The following GPATCH1 variants were observed in gnomAD, a reference collection of about 807,000 sequenced individuals.
The protein encoded by GPATCH1 is G-patch domain containing 1.
A neutral mutation model predicts 114.9 loss-of-function variants in GPATCH1; 73 were observed. The ratio of observed to expected loss-of-function variants is 0.64; its 90% CI spans 0.53 to 0.77. The LOEUF (loss-of-function observed/expected upper bound fraction) is 0.77, where lower values mean the gene tolerates loss of function less well. Ranked by LOEUF, GPATCH1 falls within the 30% of genes least tolerant of loss-of-function variation. GPATCH1 has a pLI of 0.00. For missense variants in GPATCH1, 1,058 were observed against 1,144.3 expected, an observed-to-expected ratio of 0.92 and a Z score of 1.09; for synonymous variants, 391 against 428.4, an observed-to-expected ratio of 0.91 and a Z score of 1.08.
intron 2 of GPATCH1, 49 bp downstream of exon 2, chr19:33,088,317 A>T (rs771360941): frequency 3.0e-6 from 4 of 1,341,490 alleles, no homozygotes; most frequent in African/African-American, 3.0e-5. Flanking sequence ...CAAATGATCA[A>T]AATATTGATT....
intron 17 of GPATCH1, among the ~76,000 whole-genome samples, chr19:33,124,335 T>C (rs551118859): frequency 6.6e-6 from 1 of 152,126 alleles, no homozygotes; most frequent in African/African-American, 2.4e-5. Context: ...TTATATACAT[T>C]ATTATTATTT....
chr19:33,099,346 A>G (rs1016806896), intron 8 of GPATCH1, among the ~76,000 whole-genome samples: 1 of 151,596 alleles, frequency 6.6e-6, no homozygotes, highest in African/African-American at 2.4e-5. Flanking sequence ...GTAATGACAT[A>G]TATTTAAGTC....
intron 1 of GPATCH1, 102 bp from the exon 2 acceptor site, chr19:33,088,032 G>A: frequency 1.6e-6 from 1 of 623,740 alleles, no homozygotes; most frequent in Non-Finnish European, 2.6e-6. Flanking sequence ...ATTATAAGAA[G>A]TAAACAATTT....
intron 5 of GPATCH1, 44 bp downstream of exon 5, chr19:33,094,313 CTTTT>C (rs58636263): frequency 3.6e-4 from 290 of 798,044 alleles, no homozygotes; most frequent in South Asian, 4.5e-4. Context: ...CTGCAGCGTA[CTTTT>C]TTTTTTTTTT....
chr19:33,088,623 T>C (rs1311472751), intron 2 of GPATCH1, among the ~76,000 whole-genome samples: 1 of 151,192 alleles, frequency 6.6e-6, no homozygotes, highest in East Asian at 1.9e-4. Context: ...AGTGCTGGGA[T>C]TGCAGGTGTG....
intron 14 of GPATCH1, 25 bp downstream of exon 14, chr19:33,113,928 CTGAT>C (rs1210773557): frequency 3.1e-6 from 5 of 1,610,114 alleles, no homozygotes; most frequent in Admixed American, 1.7e-5. Flanking sequence ...CCCGGGGTCT[CTGAT>C]TGACCAGGGC....
intron 7 of GPATCH1, among the ~76,000 whole-genome samples, chr19:33,096,801 G>C (rs1972665407): frequency 6.6e-6 from 1 of 151,786 alleles, no homozygotes; most frequent in African/African-American, 2.4e-5. Context: ...ACTAATTTTT[G>C]TATTTTTAGT....
intron 1 of GPATCH1, 72 bp downstream of exon 1, chr19:33,081,338 C>A: frequency 1.6e-6 from 2 of 1,233,740 alleles, no homozygotes; most frequent in Non-Finnish European, 2.3e-6. Context: ...CACAAAAGCA[C>A]AAGTCGGTGC....
At chr19:33,093,138 A>G (rs764951135) in intron 3 of GPATCH1, among the ~76,000 whole-genome samples, 3 of 152,208 alleles carry the variant, frequency 2.0e-5, no homozygotes, top group Admixed American at 6.6e-5. Flanking sequence ...CAGTGAGCCC[A>G]GATTGCACCA....
intron 17 of GPATCH1, among the ~76,000 whole-genome samples, chr19:33,124,715 C>T (rs535240901): frequency 2.6e-5 from 4 of 152,258 alleles, no homozygotes; most frequent in South Asian, 2.1e-4. Flanking sequence ...GGTTAGGCGA[C>T]GTGTCGAAGA....
chr19:33,118,155 G>A, intron 16 of GPATCH1, 114 bp downstream of exon 16: 2 of 597,688 alleles, frequency 3.3e-6, no homozygotes, highest in South Asian at 2.2e-5. Context: ...TCAATGATAT[G>A]TAATCTTTTA....
At chr19:33,122,326 CTTTT>C (rs35388450) in intron 17 of GPATCH1, among the ~76,000 whole-genome samples, 3 of 116,134 alleles carry the variant, frequency 2.6e-5, no homozygotes, top group Admixed American at 8.8e-5. Flanking sequence ...CCTTTAGTTT[CTTTT>C]TTTTTTTTTT....
chr19:33,096,485 A>C, intron 7 of GPATCH1, 39 bp downstream of exon 7: 2 of 1,515,484 alleles, frequency 1.3e-6, no homozygotes, highest in Non-Finnish European at 1.8e-6. Context: ...GGAGTCATTG[A>C]TAAATGAGTC....
chr19:33,096,565 A>T, intron 7 of GPATCH1, 119 bp downstream of exon 7: 1 of 776,570 alleles, frequency 1.3e-6, no homozygotes, highest in Non-Finnish European at 2.0e-6. Context: ...CTCAAGTGGA[A>T]TCAGGTCAAA....
At chr19:33,093,174 G>C (rs533130835) in intron 3 of GPATCH1, among the ~76,000 whole-genome samples, 185 bp from the exon 4 acceptor site, 24 of 152,228 alleles carry the variant, frequency 1.6e-4, no homozygotes, top group African/African-American at 5.5e-4. Context: ...GGCAACAAGA[G>C]AGAAACTCTG....
At position 33,109,730 on chromosome 19, in the gene GPATCH1, A is replaced by G; in HGVS notation, c.1299A>G (p.Ser433=). ...GETPIQGSAT[S]VLEFLSQKDK... is the part of the protein sequence containing the mutation. Reference sequence around the variant, plus strand: ...GTTTTTATTTAGGTTCAGCTACTTCAGTGTTAGAATTTCTGTCCCAAAAAG... The same window carrying G: ...GTTTTTATTTAGGTTCAGCTACTTCGGTGTTAGAATTTCTGTCCCAAAAAG... The change falls in exon 11 of 20, where the codon TCA becomes TCG. Residue 433 remains serine, a synonymous_variant. Coordinates refer to ENST00000170564, the MANE Select transcript of GPATCH1 (RefSeq NM_018025.3). The G allele has an allele frequency of 6.4e-7, 1 of 1,568,292 alleles. No homozygotes were observed. The highest frequency in any genetic ancestry group is 8.7e-7 in the Non-Finnish European group (1 of 1,155,826).
At position 33,119,113 on chromosome 19, in the gene GPATCH1, C is replaced by G. The variant is rs967016195; in HGVS notation, c.2517C>G (p.Cys839Trp). 1 of 1,583,300 alleles carries G rather than the reference C, an allele frequency of 6.3e-7. No individual in the cohort carries two copies. The change falls in exon 17 of 20, where the codon TGC (cysteine) becomes TGG (tryptophan). Residue 839 changes from cysteine to tryptophan, a missense_variant. Cys to Trp is a radical substitution (Grantham distance 215). Coordinates refer to ENST00000170564, the MANE Select transcript of GPATCH1 (RefSeq NM_018025.3). ...EFGPRLPPVFCPNARQTLEVP... is the reference protein window; with the variant it reads ...EFGPRLPPVFWPNARQTLEVP... ...GCCCGCGGCTGCCTCCCGTCTTCTG[C>G]CCCAGTGAGTGCAGAGCCCTTTGGT...
At position 33,113,840 on chromosome 19, in the gene GPATCH1, A is replaced by T. The variant is rs1344072888; in HGVS notation, c.1966A>T (p.Thr656Ser). Residue 656 changes from threonine (T) to serine (S), a missense_variant, in exon 14 of 20, where the codon ACA becomes TCA. By Grantham distance (58) the Thr-to-Ser change is moderately conservative. Transcript: ENST00000170564. The stretch of plus-strand genomic sequence containing the variant: ...CTTCAACTTTCTGACGCTCCCAGAG[A>T]CAGCTTCCTTGCCCACCACTCAAGC... ...SVFNFLTLPE[T>S]ASLPTTQASS... 1 of 1,614,036 alleles carries T rather than the reference A, an allele frequency of 6.2e-7. No homozygotes were observed. Among genetic ancestry groups the T allele is most frequent in the Admixed American group, 1.7e-5 (1 of 60,008 alleles).
rs770805515 is a variant in GPATCH1, at chr19:33,106,773, A to G, written c.1159A>G (p.Asn387Asp). The change falls in exon 10 of 20, where the codon AAC becomes GAC. Residue 387 changes from asparagine to aspartate, a missense_variant. Physicochemically the swap from Asn to Asp is conservative, Grantham distance 23. Transcript: ENST00000170564. ...ACCCATGGTGGCCGCCACCTCCGAG[A>G]ACTCACACTTACTGCAGGTATTATC... Reference protein sequence around the residue: ...FRPMVAATSENSHLLQVLSES... With the variant: ...FRPMVAATSEDSHLLQVLSES... 3 of 1,613,864 alleles carry G rather than the reference A, an allele frequency of 1.9e-6. No individual in the cohort carries two copies. In the Admixed American group the frequency reaches 5.0e-5, roughly 27 times the overall value.
Sources: allele counts gnomAD v4.1 joint callset (sites outside exome capture counted in the v4.1 genomes callset), GRCh38; gene constraint gnomAD v4.1.1; transcripts MANE v1.5; gene names NCBI Gene and HGNC (gene_info 2026-07-23, HGNC 2026-07-21).